Variants in FAM120B observed in about 807,000 individuals in gnomAD.
FAM120B encodes family with sequence similarity 120 member B, also known as constitutive coactivator of peroxisome proliferator-activated receptor gamma.
A neutral mutation model predicts 96.3 loss-of-function variants in FAM120B; 83 were observed. The ratio of observed to expected loss-of-function variants is 0.86; its 90% CI spans 0.72 to 1.03. The LOEUF (loss-of-function observed/expected upper bound fraction) is 1.03, where lower values mean the gene tolerates loss of function less well. Ranked by LOEUF, FAM120B falls within the 50% of genes least tolerant of loss-of-function variation. The pLI is 0.00. For missense variants in FAM120B, 1,027 were observed against 1,121.2 expected, an observed-to-expected ratio of 0.92 and a Z score of 1.20; for synonymous variants, 407 against 402.7, an observed-to-expected ratio of 1.01 and a Z score of -0.13.
chr6:170,331,596 AAT>A (rs1786040361), intron 4 of FAM120B, among the ~76,000 whole-genome samples: 1 of 152,220 alleles, frequency 6.6e-6, no homozygotes, highest in Non-Finnish European at 1.5e-5. Context: ...ATTTTCCAAA[AAT>A]GTTTTATTAT....
Position 170,405,467 on chromosome 6 carries a change from G to T in FAM120B, c.*716G>T, listed in dbSNP as rs1284661692. 6.6e-6 allele frequency: 1 copy of T among 152,318 alleles called. No homozygotes were observed. The highest frequency in any genetic ancestry group is 1.9e-4 in the East Asian group (1 of 5,192). The allele number at this position is 152,318 out of a possible 1,614,324, so 9.4% of individuals were successfully genotyped here. A position where few individuals can be genotyped will look rare whatever the true frequency, so the allele number is the denominator to read the frequency against. The stretch of plus-strand genomic sequence containing the variant: ...TCATGTCCTGGGCATGACAGAGCGG[G>T]AGGCACAAGGTTTCATCACACTATT... On this transcript the variant is annotated 3_prime_UTR_variant, in exon 11 of 11. Coordinates refer to ENST00000476287, the MANE Select transcript of FAM120B (RefSeq NM_032448.3).
At chr6:170,366,699 G>C (rs1189143973) in intron 6 of FAM120B, among the ~76,000 whole-genome samples, 1 of 152,166 alleles carries the variant, frequency 6.6e-6, no homozygotes, top group Non-Finnish European at 1.5e-5. Context: ...ACTAGGTGAG[G>C]CGTAGCCAGG....
chr6:170,385,438 G>A (rs944200320), intron 6 of FAM120B, among the ~76,000 whole-genome samples: 5 of 152,166 alleles, frequency 3.3e-5, no homozygotes, highest in Non-Finnish European at 7.3e-5. Flanking sequence ...CAAACTCAGG[G>A]AGTGTGGTAG....
intron 1 of FAM120B, among the ~76,000 whole-genome samples, chr6:170,315,973 C>T (rs1375920443): frequency 2.1e-5 from 3 of 143,932 alleles, no homozygotes; most frequent in Non-Finnish European, 3.0e-5. Flanking sequence ...ACAAGAGGAT[C>T]GCTTGAACCT....
chr6:170,343,771 A>T (rs1786992657), intron 4 of FAM120B, among the ~76,000 whole-genome samples: 2 of 152,134 alleles, frequency 1.3e-5, no homozygotes, highest in African/African-American at 4.8e-5. Context: ...GAGTTCCCAG[A>T]TGATACTAAG....
chr6:170,304,259 T>G (rs1309976779), upstream of FAM120B, among the ~76,000 whole-genome samples: 1 of 152,254 alleles, frequency 6.6e-6, no homozygotes, highest in Non-Finnish European at 1.5e-5. Context: ...CCTATTGTAT[T>G]CCAGCTTCCT....
intron 6 of FAM120B, among the ~76,000 whole-genome samples, chr6:170,359,159 G>A (rs1337119356): frequency 6.6e-6 from 1 of 152,178 alleles, no homozygotes; most frequent in African/African-American, 2.4e-5. Context: ...CCACCACTTT[G>A]GGAAGCCGAG....
chr6:170,400,702 T>G (rs1583320758), intron 9 of FAM120B, among the ~76,000 whole-genome samples: 1 of 152,370 alleles, frequency 6.6e-6, no homozygotes, highest in African/African-American at 2.4e-5. Context: ...AACATTTCTC[T>G]TAATATTTAT....
chr6:170,365,155 T>C (rs369143920), intron 6 of FAM120B, among the ~76,000 whole-genome samples: 1 of 152,246 alleles, frequency 6.6e-6, no homozygotes, highest in Non-Finnish European at 1.5e-5. Context: ...CCTGGCACTT[T>C]ACCCACATGG....
intron 7 of FAM120B, among the ~76,000 whole-genome samples, 165 bp downstream of exon 7, chr6:170,388,658 A>G (rs1790327986): frequency 6.6e-6 from 1 of 152,220 alleles, no homozygotes; most frequent in South Asian, 2.1e-4. Context: ...CTGCATCAAC[A>G]TAACTAATAC....
chr6:170,372,488 G>T (rs1562578374), intron 6 of FAM120B, among the ~76,000 whole-genome samples: 1 of 152,146 alleles, frequency 6.6e-6, no homozygotes, highest in Non-Finnish European at 1.5e-5. Flanking sequence ...GTGATTCTTT[G>T]AATGTGAGCG....
rs1221129667 is a variant in FAM120B, at chr6:170,363,475, G to A, written c.2283+5157G>A. On this transcript the variant is annotated intron_variant, in intron 6 of 10. Coordinates refer to ENST00000476287, the MANE Select transcript of FAM120B (RefSeq NM_032448.3). The surrounding 1 kb of genome is among the most constrained non-coding windows in gnomAD (Gnocchi z 4.5). The stretch of plus-strand genomic sequence containing the variant: ...CCTTGTACAGCACAGCTTGGCCTGG[G>A]GCCTGCTGGGGCGCTCAGAAAACAG... 2.6e-5 allele frequency among the ~76,000 whole-genome samples: 4 copies of A among 152,228 alleles called. No homozygotes were observed. Among genetic ancestry groups the A allele is most frequent in the Admixed American group, 2.6e-4 (4 of 15,288 alleles).
In FAM120B at chr6:170,317,681, G is replaced by A. The variant is rs1784984923; in HGVS notation, c.291G>A (p.Lys97=). ...FFFDGMVEQD[K]RDEWVKRRLK... ...TTGATGGCATGGTGGAGCAGGATAAGAGAGATGAATGGGTGAAACGAAGGC... is the reference window on the plus strand; with the variant it reads ...TTGATGGCATGGTGGAGCAGGATAAAAGAGATGAATGGGTGAAACGAAGGC... The change falls in exon 2 of 11, where the codon AAG becomes AAA. Residue 97 remains lysine (K), a synonymous_variant. Coordinates refer to ENST00000476287, the MANE Select transcript of FAM120B (RefSeq NM_032448.3). The A allele has an allele frequency of 6.2e-7, 1 of 1,614,094 alleles. No individual in the cohort carries two copies. The highest frequency in any genetic ancestry group is 1.3e-5 in the African/African-American group (1 of 74,932).
At chr6:170,386,728 G>A (rs570636935) in intron 6 of FAM120B, among the ~76,000 whole-genome samples, 1 of 152,282 alleles carries the variant, frequency 6.6e-6, no homozygotes, top group East Asian at 1.9e-4. Context: ...GAAGAAGAAG[G>A]AAGGCTTTCC....
At chr6:170,404,716 C>A (rs1299525656) in intron 10 of FAM120B, 47 bp from the exon 11 acceptor site, 1 of 803,124 alleles carries the variant, frequency 1.2e-6, no homozygotes, top group Non-Finnish European at 2.1e-6. Context: ...ATCCTGCTGA[C>A]CTGGTGCCGA....
intron 9 of FAM120B, among the ~76,000 whole-genome samples, chr6:170,395,952 A>T (rs573465518): frequency 6.6e-6 from 1 of 152,218 alleles, no homozygotes; most frequent in Non-Finnish European, 1.5e-5. Flanking sequence ...AGGTAATAGG[A>T]TTCTGATATT....
At chr6:170,357,660 G>A (rs1213122503) in intron 5 of FAM120B, among the ~76,000 whole-genome samples, 1 of 152,198 alleles carries the variant, frequency 6.6e-6, no homozygotes, top group Non-Finnish European at 1.5e-5. Context: ...TGAACTGTTT[G>A]CTCTGTGCAA....
intron 6 of FAM120B, among the ~76,000 whole-genome samples, chr6:170,358,906 G>A (rs940560533): frequency 6.6e-6 from 1 of 152,194 alleles, no homozygotes; most frequent in Non-Finnish European, 1.5e-5. Context: ...GCACACTTGT[G>A]GACCTGGGTA....
chr6:170,377,379 C>T (rs538541488), intron 6 of FAM120B, among the ~76,000 whole-genome samples: 37 of 120,398 alleles, frequency 3.1e-4, no homozygotes, highest in African/African-American at 9.5e-4. Flanking sequence ...TGGGAGAACA[C>T]AGGCTCACGC....
Sources: allele counts gnomAD v4.1 joint callset (sites outside exome capture counted in the v4.1 genomes callset), GRCh38; gene constraint gnomAD v4.1.1; non-coding constraint Gnocchi (gnomAD v3.1); transcripts MANE v1.5; gene names NCBI Gene and HGNC (gene_info 2026-07-23, HGNC 2026-07-21).